DOCK8: variants seen among roughly 807,000 people sequenced by gnomAD.
DOCK8 encodes the protein dedicator of cytokinesis protein 8.
In DOCK8, 141 loss-of-function variants were observed where a neutral mutation model predicts 245.6. The ratio of observed to expected loss-of-function variants is 0.57; its 90% CI spans 0.50 to 0.66. The LOEUF (loss-of-function observed/expected upper bound fraction) is 0.66. Ranked by LOEUF, DOCK8 falls within the 30% of genes least tolerant of loss-of-function variation. DOCK8 has a pLI of 0.00. For synonymous variants in DOCK8, 1,168 were observed against 970.2 expected, an observed-to-expected ratio of 1.20 and a Z score of -3.79; for missense variants, 2,965 against 2,603.4, an observed-to-expected ratio of 1.14 and a Z score of -3.02.
At chr9:329,455 T>G (rs895079513) in intron 9 of DOCK8, among the ~76,000 whole-genome samples, 2 of 152,196 alleles carry the variant, frequency 1.3e-5, no homozygotes, top group Non-Finnish European at 2.9e-5. Context: ...CACTCTAGCT[T>G]CTTTAACACC....
intron 30 of DOCK8, among the ~76,000 whole-genome samples, chr9:418,851 G>T (rs2056149275): frequency 6.6e-6 from 1 of 152,070 alleles, no homozygotes; most frequent in South Asian, 2.1e-4. Context: ...GCTGTGTTCA[G>T]TCTATGTGTG....
chr9:463,559 A>G lies in DOCK8; in HGVS notation c.6111A>G (p.Ala2037=). The change falls in exon 47 of 48, where the codon GCA becomes GCG. Residue 2037 remains alanine (A), a synonymous_variant. Coordinates refer to ENST00000432829, the MANE Select transcript of DOCK8 (RefSeq NM_203447.4). ...AVEKNKRLIT[A]DQREYQQELK... Reference sequence around the variant, plus strand: ...AGAAAAACAAGCGTCTCATCACGGCAGACCAGAGGGAATATCAGCAGGAAC... The same window carrying G: ...AGAAAAACAAGCGTCTCATCACGGCGGACCAGAGGGAATATCAGCAGGAAC... The G allele has an allele frequency of 6.2e-7, 1 of 1,614,278 alleles. No homozygotes were observed. Among genetic ancestry groups the G allele is most frequent in the Non-Finnish European group, 8.5e-7 (1 of 1,180,054 alleles).
chr9:300,718 C>G (rs964305361), intron 4 of DOCK8, among the ~76,000 whole-genome samples: 2 of 151,952 alleles, frequency 1.3e-5, no homozygotes, highest in African/African-American at 4.8e-5. Flanking sequence ...TTATAAATAC[C>G]CCTATGCACA....
In DOCK8 at chr9:433,990, C is replaced by G. The variant is rs369227270; in HGVS notation, c.4886+15C>G. ...CTCATGTACAGGTAAGCTTTCCTGA[C>G]ACACTCAAGGGACACCATTTGGGGG... On this transcript the variant is annotated intron_variant, in intron 38 of 47. Transcript: ENST00000432829. 2 of 1,578,082 alleles carry G rather than the reference C, an allele frequency of 1.3e-6. No homozygotes were observed. Among genetic ancestry groups the G allele is most frequent in the Non-Finnish European group, 1.7e-6 (2 of 1,146,880 alleles).
In DOCK8 at chr9:397,569, A is replaced by G. The variant is rs138130771; in HGVS notation, c.3120+635A>G. Reference sequence around the variant, plus strand: ...GCCGGGTGTAGTGGCACGTACCTGTAATCCCAGCTTCTCGGGAGGCTGAGG... The same window carrying G: ...GCCGGGTGTAGTGGCACGTACCTGTGATCCCAGCTTCTCGGGAGGCTGAGG... On this transcript the variant is annotated intron_variant, in intron 25 of 47. Transcript: ENST00000432829. Among the ~76,000 whole-genome samples the G allele has an allele frequency of 1.8e-3, 274 of 150,870 alleles. 3 individuals carry two copies. Among genetic ancestry groups the G allele is most frequent in the African/African-American group, 6.5e-3 (267 of 41,102 alleles).
rs1309515318 is a variant in DOCK8, at chr9:439,397, C to A, written c.5223+9C>A. 6.2e-7 allele frequency: 1 copy of A among 1,612,236 alleles called. No individual in the cohort carries two copies. The highest frequency in any genetic ancestry group is 1.3e-5 in the African/African-American group (1 of 74,888). ...CGGAGCTCTTCAGCACGGTCAGTGC[C>A]CAGAGGGCATCCCGGGGCCTGGCCT... On this transcript the variant is annotated intron_variant, in intron 40 of 47. Coordinates refer to ENST00000432829, the MANE Select transcript of DOCK8 (RefSeq NM_203447.4).
chr9:282,392 G>A (rs1480282456), intron 2 of DOCK8, among the ~76,000 whole-genome samples: 1 of 147,796 alleles, frequency 6.8e-6, no homozygotes, highest in African/African-American at 2.5e-5. Context: ...GACATGACAA[G>A]TTTGCTTTTT....
At position 441,403 on chromosome 9, in the gene DOCK8, A is replaced by C; in HGVS notation, c.5341A>C (p.Ser1781Arg). 4 of 1,614,204 alleles carry C rather than the reference A, an allele frequency of 2.5e-6. No homozygotes were observed. Among genetic ancestry groups the C allele is most frequent in the Non-Finnish European group, 2.5e-6 (3 of 1,180,036 alleles). Residue 1781 changes from serine (S) to arginine (R), a missense_variant, in exon 41 of 48, where the codon AGC becomes CGC. Ser to Arg is a moderately radical substitution (Grantham distance 110, BLOSUM62 -1). This residue lies in a region of DOCK8 where 2,825 missense variants were observed against 2,453.5 expected (regional missense o/e 1.15). Transcript: ENST00000432829. Reference protein sequence around the residue: ...THSKLQRAFDSIVNKDHKRMF... With the variant: ...THSKLQRAFDRIVNKDHKRMF... ...CAGCAAGCTGCAGAGAGCCTTCGACAGCATCGTTAACAAGGTAGCCGGGGA... is the reference window on the plus strand; with the variant it reads ...CAGCAAGCTGCAGAGAGCCTTCGACCGCATCGTTAACAAGGTAGCCGGGGA...
intron 14 of DOCK8, among the ~76,000 whole-genome samples, chr9:350,261 T>C (rs1008473569): frequency 6.6e-6 from 1 of 152,150 alleles, no homozygotes; most frequent in Non-Finnish European, 1.5e-5. Context: ...CACTGCTGTG[T>C]GTCACCACAC....
chr9:228,467 A>G (rs2047034485), intron 1 of DOCK8, among the ~76,000 whole-genome samples: 1 of 152,112 alleles, frequency 6.6e-6, no homozygotes, highest in African/African-American at 2.4e-5. Flanking sequence ...TTATTTTTAT[A>G]TTTATCTTCA....
intron 4 of DOCK8, among the ~76,000 whole-genome samples, chr9:293,332 G>A (rs952137349): frequency 1.3e-5 from 2 of 152,160 alleles, no homozygotes; most frequent in African/African-American, 4.8e-5. Flanking sequence ...TTTATCTGTG[G>A]GGAGAATCCA....
chr9:334,607 T>C (rs930262840), intron 11 of DOCK8, among the ~76,000 whole-genome samples: 2 of 152,198 alleles, frequency 1.3e-5, no homozygotes, highest in Admixed American at 6.5e-5. Context: ...TATACTCTTA[T>C]AGTAAGATTT....
chr9:451,224 T>C (rs1051042198), intron 45 of DOCK8, among the ~76,000 whole-genome samples: 1 of 151,980 alleles, frequency 6.6e-6, no homozygotes, highest in Admixed American at 6.5e-5. Flanking sequence ...GGCAGGAGAA[T>C]CCCTTGAACC....
At chr9:266,340 C>T (rs751374776) in intron 1 of DOCK8, among the ~76,000 whole-genome samples, 1 of 151,746 alleles carries the variant, frequency 6.6e-6, no homozygotes, top group South Asian at 2.1e-4. Context: ...ACAGAGAGCC[C>T]AGCAATTTGT....
chr9:403,944 G>A (rs184788811), intron 26 of DOCK8, among the ~76,000 whole-genome samples: 1,227 of 68,168 alleles, frequency 0.018, 30 homozygotes, highest in African/African-American at 0.036. Flanking sequence ...ATATATATAT[G>A]TGTATATATA....
intron 1 of DOCK8, among the ~76,000 whole-genome samples, 200 bp from the exon 2 acceptor site, chr9:271,427 T>C (rs2048162621): frequency 6.6e-6 from 1 of 152,188 alleles, no homozygotes; most frequent in Non-Finnish European, 1.5e-5. Context: ...TCATGGCCTC[T>C]GTGAACTTCT....
intron 26 of DOCK8, among the ~76,000 whole-genome samples, chr9:401,778 T>G (rs1263296017): frequency 6.6e-6 from 1 of 152,102 alleles, no homozygotes; most frequent in Non-Finnish European, 1.5e-5. Context: ...GACATGACTT[T>G]TCTAAAGGAA....
In DOCK8 at chr9:418,193, G is replaced by C; in HGVS notation, c.3826G>C (p.Val1276Leu). 1 of 1,614,202 alleles carries C rather than the reference G, an allele frequency of 6.2e-7. No individual in the cohort carries two copies. The highest frequency in any genetic ancestry group is 8.5e-7 in the Non-Finnish European group (1 of 1,180,026). The change falls in exon 30 of 48, where the codon GTG becomes CTG. Residue 1276 changes from valine (V) to leucine (L), a missense_variant. Physicochemically the swap from Val to Leu is conservative, Grantham distance 32. Around this residue, in one of 3 missense-constraint regions of DOCK8, gnomAD observed 2,825 missense variants for 2,453.5 expected, o/e 1.15. Transcript: ENST00000432829. Reference sequence around the variant, plus strand: ...TTTCAATTTGAAAACAAGTGGAATAGTGCTGTCTTCCTTGGTATGTTGGTG... The same window carrying C: ...TTTCAATTTGAAAACAAGTGGAATACTGCTGTCTTCCTTGGTATGTTGGTG... ...NNFNLKTSGI[V>L]LSSLPYKQYN...
intron 1 of DOCK8, among the ~76,000 whole-genome samples, chr9:224,516 T>C (rs2046950660): frequency 6.6e-6 from 1 of 152,168 alleles, no homozygotes; most frequent in Non-Finnish European, 1.5e-5. Context: ...TCTCGTTTGC[T>C]CAGGGAGGCC....
Sources: gnomAD v4.1 joint callset for allele counts (sites outside exome capture counted in the v4.1 genomes callset) on GRCh38, gnomAD v4.1.1 for gene constraint, gnomAD v4.1.1 regional missense constraint, MANE v1.5 for transcripts, NCBI Gene and HGNC (gene_info 2026-07-23, HGNC 2026-07-21) for gene names.